UHRF1: variants seen among roughly 807,000 people sequenced by gnomAD.
The protein encoded by UHRF1 is E3 ubiquitin-protein ligase UHRF1.
In UHRF1, 9 loss-of-function variants were observed where a neutral mutation model predicts 96.5. The ratio of observed to expected loss-of-function variants is 0.09; its 90% CI spans 0.06 to 0.16. The LOEUF (loss-of-function observed/expected upper bound fraction) is 0.16. Among genes scored for constraint, UHRF1 ranks in the 10% least tolerant of loss-of-function variants. UHRF1 has a pLI of 1.00. For synonymous variants in UHRF1, 455 were observed against 469.9 expected (o/e 0.97, Z 0.41); for missense variants, 626 against 1,131.1 (o/e 0.55, Z 6.40).
At chr19:4,922,012 A>G (rs893152418) in intron 2 of UHRF1, among the ~76,000 whole-genome samples, 12 of 152,086 alleles carry the variant, frequency 7.9e-5, no homozygotes, top group African/African-American at 2.7e-4. Context: ...CTGGAGTGCA[A>G]TGGTGAGATT....
intron 2 of UHRF1, among the ~76,000 whole-genome samples, chr19:4,926,121 C>T (rs2032862970): frequency 6.6e-6 from 1 of 150,874 alleles, no homozygotes; most frequent in African/African-American, 2.4e-5. Flanking sequence ...GTCTTGAACT[C>T]CTGACCTCGT....
intron 5 of UHRF1, among the ~76,000 whole-genome samples, chr19:4,936,064 C>G (rs143785081): frequency 1.3e-5 from 2 of 152,150 alleles, no homozygotes; most frequent in Admixed American, 6.6e-5. Flanking sequence ...TTGGGTTCTT[C>G]GATTCATTCA....
intron 13 of UHRF1, among the ~76,000 whole-genome samples, chr19:4,952,008 C>T (rs1234116932): frequency 1.3e-5 from 2 of 152,110 alleles, no homozygotes; most frequent in South Asian, 2.1e-4. Context: ...TGGATTTGTA[C>T]GGTGGGGAAT....
At chr19:4,911,512 G>C (rs2032273963) in intron 2 of UHRF1, among the ~76,000 whole-genome samples, 1 of 152,104 alleles carries the variant, frequency 6.6e-6, no homozygotes, top group African/African-American at 2.4e-5. Context: ...ATTTGGATTA[G>C]CTTATTCAGA....
intron 2 of UHRF1, among the ~76,000 whole-genome samples, chr19:4,919,814 A>G (rs1301108459): frequency 6.7e-6 from 1 of 149,482 alleles, no homozygotes; most frequent in Non-Finnish European, 1.5e-5. Context: ...AATTATTATT[A>G]TTGTTAATAT....
rs565114377 is a variant in UHRF1 at position 4,956,786 on chromosome 19, G to A, written c.2208G>A (p.Thr736=). The A allele has an allele frequency of 2.4e-5, 39 of 1,610,052 alleles. No individual in the cohort carries two copies. Among genetic ancestry groups the A allele is most frequent in the Admixed American group, 1.3e-4 (8 of 59,418 alleles). The change falls in exon 16 of 17, where the codon ACG becomes ACA. Residue 736 remains threonine, a synonymous_variant. Transcript: ENST00000650932. ...CCQELVFRPI[T]TVCQHNVCKD... ...AGGAGCTGGTGTTCCGGCCCATCAC[G>A]ACCGTGTGCCAGCACAACGTGTGCA...
chr19:4,958,619 C>G (rs187082011), intron 16 of UHRF1, among the ~76,000 whole-genome samples: 23 of 152,342 alleles, frequency 1.5e-4, no homozygotes, highest in Non-Finnish European at 2.6e-4. Flanking sequence ...ACTTGGGAAG[C>G]TCAGCATCGG....
chr19:4,954,236 T>C lies in UHRF1; in HGVS notation c.1819-114T>C, dbSNP rs2145212235. The C allele has an allele frequency of 1.3e-6, 2 of 1,482,832 alleles. No individual in the cohort carries two copies. Among genetic ancestry groups the C allele is most frequent in the Non-Finnish European group, 1.8e-6 (2 of 1,099,286 alleles). The allele number at this position is 1,482,832 out of a possible 1,614,324, so 91.9% of individuals were successfully genotyped here. A position where few individuals can be genotyped will look rare whatever the true frequency, so the allele number is the denominator to read the frequency against. ...GACTACCCTGTGCTCTTCAGGGGGA[T>C]TGGGGGTCAGGTGTGTCTGGAAACC... On this transcript the variant is annotated intron_variant, in intron 13 of 16. Transcript: ENST00000650932. This position sits in a 1 kb window ranked among gnomAD's most constrained non-coding sequence, Gnocchi z 5.9.
intron 16 of UHRF1, among the ~76,000 whole-genome samples, chr19:4,957,409 C>T (rs973423376): frequency 1.3e-5 from 2 of 150,580 alleles, no homozygotes; most frequent in Admixed American, 6.6e-5. Flanking sequence ...CCCGGGTTCA[C>T]GCCATTCTCC....
At chr19:4,949,188 CTG>C (rs2033652516) in intron 11 of UHRF1, among the ~76,000 whole-genome samples, 1 of 151,302 alleles carries the variant, frequency 6.6e-6, no homozygotes, top group South Asian at 2.1e-4. Flanking sequence ...CAAATACAAA[CTG>C]AGGCTGTGGT....
intron 2 of UHRF1, among the ~76,000 whole-genome samples, chr19:4,912,664 A>G (rs1375176967): frequency 1.3e-5 from 2 of 152,132 alleles, no homozygotes; most frequent in African/African-American, 4.8e-5. Context: ...ATTTCAAAGT[A>G]AGTTGCAGAC....
intron 2 of UHRF1, among the ~76,000 whole-genome samples, chr19:4,926,058 C>A (rs1250271286): frequency 1.3e-5 from 2 of 151,866 alleles, no homozygotes; most frequent in African/African-American, 2.4e-5. Context: ...CCACTATGCC[C>A]GGCTAATTTT....
At chr19:4,953,990 C>T (rs1452406487) in intron 13 of UHRF1, among the ~76,000 whole-genome samples, 1 of 151,958 alleles carries the variant, frequency 6.6e-6, no homozygotes, top group African/African-American at 2.4e-5. Flanking sequence ...AGGTTCACAT[C>T]CCTGTGGGAC....
intron 3 of UHRF1, among the ~76,000 whole-genome samples, 182 bp downstream of exon 3, chr19:4,929,658 T>C (rs77507567): frequency 0.013 from 1,891 of 149,970 alleles, 30 homozygotes; most frequent in African/African-American, 0.044. Context: ...TGGGATTCCT[T>C]TGTGGACCTC....
intron 10 of UHRF1, 38 bp downstream of exon 10, chr19:4,946,003 C>A: frequency 1.4e-6 from 2 of 1,445,098 alleles, no homozygotes; most frequent in South Asian, 1.3e-5. Context: ...GAGGGTTGCT[C>A]TAGTTTTTTG....
chr19:4,909,567 G>A lies in UHRF1; in HGVS notation c.-99G>A. On this transcript the variant is annotated 5_prime_UTR_variant, in exon 1 of 17. Transcript: ENST00000650932. ...CGCTCCGGGTCGCACGCAAGTCCGCGCGGGGTCCGGGCCACGCACGCGGTT... is the reference window on the plus strand; with the variant it reads ...CGCTCCGGGTCGCACGCAAGTCCGCACGGGGTCCGGGCCACGCACGCGGTT... 1 of 658,138 alleles carries A rather than the reference G, an allele frequency of 1.5e-6. No individual in the cohort carries two copies. Among genetic ancestry groups the A allele is most frequent in the South Asian group, 1.6e-5 (1 of 63,404 alleles). 40.8% of individuals were successfully genotyped at this position (658,138 alleles called of 1,614,324 possible).
At chr19:4,911,133 C>A (rs567482637) in intron 2 of UHRF1, 95 bp downstream of exon 2, 79 of 1,254,738 alleles carry the variant, frequency 6.3e-5, no homozygotes, top group South Asian at 3.3e-4. Context: ...ACCTCCCCCC[C>A]CAACAACCTC....
intron 5 of UHRF1, among the ~76,000 whole-genome samples, chr19:4,940,121 A>T (rs564614534): frequency 2.8e-4 from 43 of 152,096 alleles, no homozygotes; most frequent in African/African-American, 9.9e-4. Context: ...TCCATGTTGA[A>T]ATAATCTTTT....
intron 5 of UHRF1, among the ~76,000 whole-genome samples, chr19:4,936,399 G>C (rs889354172): frequency 4.6e-5 from 7 of 152,184 alleles, no homozygotes; most frequent in African/African-American, 7.2e-5. Context: ...CCAGGGAGAT[G>C]CGTGCTCTGA....
Sources: allele counts gnomAD v4.1 joint callset (sites outside exome capture counted in the v4.1 genomes callset), GRCh38; gene constraint gnomAD v4.1.1; non-coding constraint Gnocchi (gnomAD v3.1); transcripts MANE v1.5; gene names NCBI Gene and HGNC (gene_info 2026-07-23, HGNC 2026-07-21).